The following C1orf87 variants were observed in gnomAD, a reference collection of about 807,000 sequenced individuals.
C1orf87 encodes the protein uncharacterized protein C1orf87.
A neutral mutation model predicts 60.5 loss-of-function variants in C1orf87; 58 were observed. The observed-to-expected ratio is 0.96, with a 90% CI of 0.78 to 1.19. The LOEUF (loss-of-function observed/expected upper bound fraction) is 1.19, where lower values mean the gene tolerates loss of function less well. Ranked by LOEUF, C1orf87 falls within the 50% of genes most tolerant of loss-of-function variation. The pLI is 0.00. For synonymous variants in C1orf87, 236 were observed against 227.4 expected (o/e 1.04, Z -0.34); for missense variants, 673 against 638.6 (o/e 1.05, Z -0.58).
At chr1:60,038,839 G>T (rs905091313) in intron 5 of C1orf87, among the ~76,000 whole-genome samples, 1 of 152,160 alleles carries the variant, frequency 6.6e-6, no homozygotes, top group Admixed American at 6.5e-5. Flanking sequence ...TGCTAAGCTG[G>T]ATGCCATCCT....
rs1186824441 is a variant in C1orf87 at position 60,024,420 on chromosome 1, G to A, written c.1127+981C>T. ...TGTTACGAGGTCTGCCTCACTAGCT[G>A]GTGGAAACATGAAGTATTCCCAATC... On this transcript the variant is annotated intron_variant, in intron 8 of 11. Coordinates refer to ENST00000371201, the MANE Select transcript of C1orf87 (RefSeq NM_152377.3). Among the ~76,000 whole-genome samples the A allele has an allele frequency of 1.3e-5, 2 of 152,072 alleles. 1 individual carries two copies. The highest frequency in any genetic ancestry group is 2.9e-5 in the Non-Finnish European group (2 of 68,002).
At chr1:60,056,246 A>C (rs1322557386) in intron 2 of C1orf87, among the ~76,000 whole-genome samples, 3 of 152,130 alleles carry the variant, frequency 2.0e-5, no homozygotes, top group Non-Finnish European at 4.4e-5. Flanking sequence ...AAAAATAAAA[A>C]ATAAAAAAAT....
chr1:59,992,678 T>C (rs895357461), intron 11 of C1orf87, among the ~76,000 whole-genome samples: 1 of 152,208 alleles, frequency 6.6e-6, no homozygotes, highest in Non-Finnish European at 1.5e-5. Flanking sequence ...AGTTGGGCAA[T>C]GGTAGATACT....
chr1:60,066,834 C>A (rs1324862612), intron 2 of C1orf87, among the ~76,000 whole-genome samples: 1 of 151,968 alleles, frequency 6.6e-6, no homozygotes, highest in Non-Finnish European at 1.5e-5. Context: ...CTTCCCCCAA[C>A]CCCCCACTGA....
intron 8 of C1orf87, among the ~76,000 whole-genome samples, chr1:60,014,163 G>C (rs1409685956): frequency 6.6e-6 from 1 of 152,116 alleles, no homozygotes; most frequent in Admixed American, 6.6e-5. Context: ...TCCTTGGGCA[G>C]GGGAGGGAAG....
rs74828820 is a variant in C1orf87 at position 60,034,535 on chromosome 1, A to T, written c.864-894T>A. ...GTGGTATACTGGTAAATCTTTAACA[A>T]TCAGCTTTGCAAGATAAAGCCCTAA... On this transcript the variant is annotated intron_variant, in intron 6 of 11. Transcript: ENST00000371201. 5.7e-4 allele frequency among the ~76,000 whole-genome samples: 87 copies of T among 152,302 alleles called. 1 individual carries two copies. The highest frequency in any genetic ancestry group is 1.1e-3 in the Non-Finnish European group (78 of 68,036).
chr1:60,006,790 T>G (rs1272977872), intron 9 of C1orf87, among the ~76,000 whole-genome samples: 1 of 152,122 alleles, frequency 6.6e-6, no homozygotes, highest in Non-Finnish European at 1.5e-5. Context: ...TAAGGTCTTT[T>G]ACTACTTTCG....
At chr1:60,032,737 G>A (rs746969643) in intron 7 of C1orf87, among the ~76,000 whole-genome samples, 8 of 151,898 alleles carry the variant, frequency 5.3e-5, no homozygotes, top group African/African-American at 1.2e-4. Context: ...CACGCCTGGC[G>A]AGACTCAGTT....
At chr1:60,064,666 ATTATATATAAATATATAT>A (rs1241856798) in intron 2 of C1orf87, among the ~76,000 whole-genome samples, 20 of 108,604 alleles carry the variant, frequency 1.8e-4, no homozygotes, top group Non-Finnish European at 2.6e-4. Context: ...TAAATATATA[ATTATATATAAATATATAT>A]TTATATATAA....
chr1:60,001,399 C>T (rs1390390722), intron 9 of C1orf87, among the ~76,000 whole-genome samples: 2 of 151,908 alleles, frequency 1.3e-5, no homozygotes, highest in Non-Finnish European at 2.9e-5. Context: ...TTAGTTACAA[C>T]TTACTATAAA....
At chr1:60,066,024 C>T (rs537301660) in intron 2 of C1orf87, among the ~76,000 whole-genome samples, 9 of 152,218 alleles carry the variant, frequency 5.9e-5, no homozygotes, top group Admixed American at 2.6e-4. Flanking sequence ...AAACAATGCA[C>T]ATACCTTAAT....
rs189373527 is a variant in C1orf87, at chr1:60,051,482, C to T, written c.342+3722G>A. Among the ~76,000 whole-genome samples, 13 of 152,208 alleles carry T rather than the reference C, an allele frequency of 8.5e-5. No homozygotes were observed. The East Asian group carries it at 2.5e-3, about 29-fold the overall frequency. On this transcript the variant is annotated intron_variant, in intron 3 of 11. Transcript: ENST00000371201. ...TGAGAAGGACATGCCTTGAAGAGCT[C>T]GCTGGATTCAGAACAAGAAAACACA... is the stretch of plus-strand genomic sequence containing the variant.
Position 59,990,522 on chromosome 1 carries a change from A to T in C1orf87, c.*151T>A. On this transcript the variant is annotated 3_prime_UTR_variant, in exon 12 of 12. Transcript: ENST00000371201. The stretch of plus-strand genomic sequence containing the variant: ...GCTTATGAGTGAGCATCATAGCCAG[A>T]AACTAAGTCCAAATCAAAAGCATCT... 1.1e-6 allele frequency: 1 copy of T among 945,140 alleles called. No homozygotes were observed. The highest frequency in any genetic ancestry group is 1.6e-6 in the Non-Finnish European group (1 of 634,208). 58.5% of individuals were successfully genotyped at this position (945,140 alleles called of 1,614,324 possible).
chr1:60,055,686 G>T (rs927675262), intron 2 of C1orf87, among the ~76,000 whole-genome samples: 5 of 151,974 alleles, frequency 3.3e-5, no homozygotes, highest in Non-Finnish European at 5.9e-5. Context: ...CTATCCATCT[G>T]CTCCCAAACC....
intron 8 of C1orf87, among the ~76,000 whole-genome samples, chr1:60,017,164 T>C (rs1645129419): frequency 6.6e-6 from 1 of 152,168 alleles, no homozygotes; most frequent in Admixed American, 6.6e-5. Context: ...ATTAAAAGAG[T>C]TAATATTTAT....
At chr1:60,060,198 G>A (rs1417036218) in intron 2 of C1orf87, among the ~76,000 whole-genome samples, 1 of 150,814 alleles carries the variant, frequency 6.6e-6, no homozygotes, top group Non-Finnish European at 1.5e-5. Flanking sequence ...ACCTATACTT[G>A]AATCATTTCT....
At chr1:60,068,215 T>C (rs1645561922) in intron 2 of C1orf87, among the ~76,000 whole-genome samples, 1 of 152,204 alleles carries the variant, frequency 6.6e-6, no homozygotes, top group African/African-American at 2.4e-5. Context: ...CTGAATACCC[T>C]TGACTCATGC....
intron 4 of C1orf87, among the ~76,000 whole-genome samples, chr1:60,040,472 G>A (rs2100297136): frequency 6.6e-6 from 1 of 152,288 alleles, no homozygotes; most frequent in African/African-American, 2.4e-5. Context: ...TGCTTTGATG[G>A]TATAAGAATT....
At chr1:60,017,678 G>A (rs995305916) in intron 8 of C1orf87, among the ~76,000 whole-genome samples, 5 of 152,104 alleles carry the variant, frequency 3.3e-5, no homozygotes, top group Admixed American at 6.5e-5. Context: ...TGATTTACAT[G>A]TTCCTGGCCA....
Sources: allele counts gnomAD v4.1 joint callset (sites outside exome capture counted in the v4.1 genomes callset), GRCh38; gene constraint gnomAD v4.1.1; transcripts MANE v1.5; gene names NCBI Gene and HGNC (gene_info 2026-07-23, HGNC 2026-07-21).